The following HMGB1 variants were observed in gnomAD, a reference collection of about 807,000 sequenced individuals.
HMGB1 encodes the protein high mobility group protein B1.
For synonymous variants in HMGB1, 81 were observed against 84.0 expected, an observed-to-expected ratio of 0.96 and a Z score of 0.19; for missense variants, 79 against 253.5, an observed-to-expected ratio of 0.31 and a Z score of 4.67.
At chr13:30,578,898 T>C (rs915489587) in intron 1 of HMGB1, among the ~76,000 whole-genome samples, 4 of 152,258 alleles carry the variant, frequency 2.6e-5, no homozygotes, top group African/African-American at 4.8e-5. Flanking sequence ...TCATTCCATA[T>C]GACCTATTTC....
chr13:30,578,710 G>A (rs1870771583), intron 1 of HMGB1, among the ~76,000 whole-genome samples: 1 of 152,128 alleles, frequency 6.6e-6, no homozygotes, highest in South Asian at 2.1e-4. Context: ...TTAGCAAGGT[G>A]CATAGGTCTT....
chr13:30,537,659 A>C lies in HMGB1; in HGVS notation c.-14-73965T>G, dbSNP rs1274387471. Among the ~76,000 whole-genome samples the C allele has an allele frequency of 1.1e-3, 75 of 66,302 alleles. 1 individual carries two copies. The highest frequency in any genetic ancestry group is 8.3e-3 in the African/African-American group (67 of 8,088). 43.5% of individuals were successfully genotyped at this position (66,302 alleles called of 152,430 possible). ...AATTCATTCATTCTTGTTCATATAT[A>C]TATATATATATATATATATATATAT... On this transcript the variant is annotated intron_variant, in intron 1 of 4. Transcript: ENST00000405805.
At chr13:30,598,797 G>A (rs1265266665) in intron 1 of HMGB1, among the ~76,000 whole-genome samples, 1 of 152,084 alleles carries the variant, frequency 6.6e-6, no homozygotes, top group South Asian at 2.1e-4. Flanking sequence ...ATTACTTCAT[G>A]AGAAACAGCA....
At chr13:30,497,284 T>C (rs976299556) in intron 1 of HMGB1, among the ~76,000 whole-genome samples, 2 of 152,236 alleles carry the variant, frequency 1.3e-5, no homozygotes, top group African/African-American at 4.8e-5. Flanking sequence ...TTGAGTACAG[T>C]GGTGCGATCT....
At chr13:30,538,716 TTC>T (rs1389140913) in intron 1 of HMGB1, among the ~76,000 whole-genome samples, 6 of 114,804 alleles carry the variant, frequency 5.2e-5, no homozygotes, top group South Asian at 6.5e-4. Flanking sequence ...TCTTTCTTTC[TTC>T]TTTTTCTTTC....
In HMGB1 at chr13:30,508,221, A is replaced by G. The variant is rs117381447; in HGVS notation, c.-14-44527T>C. ...GTTTATACCATGTCTTATGGAATTG[A>G]AAATGACATGCCAGGCGGAGTGGCT... On this transcript the variant is annotated intron_variant, in intron 1 of 4. Coordinates refer to the HMGB1 transcript ENST00000405805. Among the ~76,000 whole-genome samples, 1,064 of 152,270 alleles carry G rather than the reference A, an allele frequency of 7.0e-3. 11 individuals carry two copies. Among genetic ancestry groups the G allele is most frequent in the East Asian group, 0.017 (87 of 5,174 alleles).
chr13:30,529,028 C>CAAAAAAAA (rs59654057), intron 1 of HMGB1, among the ~76,000 whole-genome samples: 48 of 53,548 alleles, frequency 9.0e-4, no homozygotes, highest in African/African-American at 3.3e-3. Context: ...GACTGCGTCT[C>CAAAAAAAA]AAAAAAAAAA....
intron 1 of HMGB1, among the ~76,000 whole-genome samples, chr13:30,571,811 G>C (rs1037471015): frequency 7.2e-5 from 11 of 151,992 alleles, no homozygotes; most frequent in Non-Finnish European, 1.2e-4. Flanking sequence ...TATTTTAGAA[G>C]TATTACTTTA....
In HMGB1 at chr13:30,559,943, T is replaced by C. The variant is rs1404113891; in HGVS notation, c.-15+56728A>G. 2.6e-5 allele frequency among the ~76,000 whole-genome samples: 4 copies of C among 152,204 alleles called. No homozygotes were observed. The highest frequency in any genetic ancestry group is 2.6e-4 in the Admixed American group (4 of 15,280). On this transcript the variant is annotated intron_variant, in intron 1 of 4. Transcript: ENST00000405805. This position sits in a 1 kb window ranked among gnomAD's most constrained non-coding sequence, Gnocchi z 6.6. ...AAAGGTAGTACAGTGAGATGGATGATGCCTTCACATGACTCAGATGTCACG... is the reference window on the plus strand; with the variant it reads ...AAAGGTAGTACAGTGAGATGGATGACGCCTTCACATGACTCAGATGTCACG...
At chr13:30,464,711 G>GCCGCCA in intron 1 of HMGB1, 1 of 836,150 alleles carries the variant, frequency 1.2e-6, no homozygotes, top group South Asian at 5.4e-5. Context: ...CTCCGCCTGC[G>GCCGCCA]CCGCCGCCGC....
Position 30,459,941 on chromosome 13 carries a change from G to C in HMGB1, c.*1416C>G, listed in dbSNP as rs905870597. On this transcript the variant is annotated 3_prime_UTR_variant, in exon 5 of 5. Transcript: ENST00000341423. The stretch of plus-strand genomic sequence containing the variant: ...GAAATTACATAAACAAATGCAAATG[G>C]AAAGAATCCAAGTCTAAATTATATA... The C allele has an allele frequency of 1.3e-5, 2 of 152,510 alleles. No homozygotes were observed. The highest frequency in any genetic ancestry group is 2.9e-5 in the Non-Finnish European group (2 of 67,990). The allele number at this position is 152,510 out of a possible 1,614,324, so 9.4% of individuals were successfully genotyped here.
intron 1 of HMGB1, among the ~76,000 whole-genome samples, chr13:30,501,639 C>T (rs1283475191): frequency 1.3e-5 from 2 of 152,090 alleles, no homozygotes; most frequent in African/African-American, 4.8e-5. Context: ...ATAATCATCA[C>T]ATAATTAGTA....
intron 1 of HMGB1, among the ~76,000 whole-genome samples, chr13:30,533,134 G>T (rs550675345): frequency 9.2e-5 from 14 of 152,216 alleles, no homozygotes; most frequent in Non-Finnish European, 1.9e-4. Flanking sequence ...ACATGCAGCA[G>T]GGGAGACAGA....
chr13:30,489,335 A>T (rs1302603922), intron 1 of HMGB1, among the ~76,000 whole-genome samples: 1 of 152,208 alleles, frequency 6.6e-6, no homozygotes, highest in Non-Finnish European at 1.5e-5. Flanking sequence ...CATCTCAAAC[A>T]CATGAACAAA....
intron 1 of HMGB1, among the ~76,000 whole-genome samples, chr13:30,550,149 A>T (rs1173224754): frequency 1.3e-5 from 2 of 149,540 alleles, no homozygotes; most frequent in Admixed American, 6.6e-5. Flanking sequence ...CTTAACATTA[A>T]ATTGAAACTC....
At chr13:30,589,407 C>A (rs542508600) in intron 1 of HMGB1, among the ~76,000 whole-genome samples, 5 of 152,274 alleles carry the variant, frequency 3.3e-5, no homozygotes, top group African/African-American at 1.2e-4. Context: ...CAAAATGAGA[C>A]CTGCTTGACT....
Position 30,516,918 on chromosome 13 carries a change from AAAT to A in HMGB1, c.-14-53227_-14-53225del, listed in dbSNP as rs576872336. Among the ~76,000 whole-genome samples the A allele has an allele frequency of 3.1e-3, 468 of 152,286 alleles. 2 individuals are homozygous for A. The highest frequency in any genetic ancestry group is 0.011 in the African/African-American group (457 of 41,552). On this transcript the variant is annotated intron_variant, in intron 1 of 4. Coordinates refer to the HMGB1 transcript ENST00000405805. The stretch of plus-strand genomic sequence containing the variant: ...GGTGACAGAACGAGACCCAGTCTCA[AAAT>A]AATAATAATAAGGTTCAGAATTTTA...
At chr13:30,565,322 A>G (rs1346832214) in intron 1 of HMGB1, among the ~76,000 whole-genome samples, 1 of 152,188 alleles carries the variant, frequency 6.6e-6, no homozygotes, top group East Asian at 1.9e-4. Flanking sequence ...CACTTTTACC[A>G]TCAGGACTCC....
At chr13:30,596,558 G>C (rs187091601) in intron 1 of HMGB1, among the ~76,000 whole-genome samples, 13 of 152,336 alleles carry the variant, frequency 8.5e-5, no homozygotes, top group Admixed American at 8.5e-4. Context: ...AAACCAGCAA[G>C]ACTTGAGTTT....
Sources: allele counts gnomAD v4.1 joint callset (sites outside exome capture counted in the v4.1 genomes callset), GRCh38; gene constraint gnomAD v4.1.1; non-coding constraint Gnocchi (gnomAD v3.1); transcripts MANE v1.5; gene names NCBI Gene and HGNC (gene_info 2026-07-23, HGNC 2026-07-21).